The following TBC1D10A variants were observed in gnomAD, a reference collection of about 807,000 sequenced individuals.
TBC1D10A encodes the protein EBP50-PDX interactor of 64 kDa.
TBC1D10A carries 24 observed loss-of-function variants against 52.9 expected under a neutral mutation model. That is an observed-to-expected ratio of 0.45 (90% confidence interval 0.33 to 0.64). TBC1D10A has a LOEUF of 0.64. Ranked by LOEUF, TBC1D10A falls within the 30% of genes least tolerant of loss-of-function variation. The pLI is 0.02. For synonymous variants in TBC1D10A, 278 were observed against 282.9 expected (o/e 0.98, Z 0.17); for missense variants, 602 against 687.9 (o/e 0.88, Z 1.40).
intron 1 of TBC1D10A, among the ~76,000 whole-genome samples, chr22:30,312,040 G>C (rs903864328): frequency 6.6e-6 from 1 of 152,202 alleles, no homozygotes; most frequent in Non-Finnish European, 1.5e-5. Context: ...TGATCTGCCT[G>C]CATCAGCCTC....
intron 1 of TBC1D10A, among the ~76,000 whole-genome samples, chr22:30,320,085 C>T (rs913532811): frequency 6.6e-6 from 1 of 152,170 alleles, no homozygotes; most frequent in Non-Finnish European, 1.5e-5. Flanking sequence ...GATTCCTCAC[C>T]GGTACAAGCA....
chr22:30,308,361 G>A (rs985022618), intron 1 of TBC1D10A, among the ~76,000 whole-genome samples: 6 of 97,064 alleles, frequency 6.2e-5, no homozygotes, highest in Admixed American at 3.1e-4. Context: ...CCTAGATCTC[G>A]TAAAATGTCC....
At chr22:30,323,752 G>C (rs1930707171) in intron 1 of TBC1D10A, among the ~76,000 whole-genome samples, 1 of 152,114 alleles carries the variant, frequency 6.6e-6, no homozygotes, top group East Asian at 1.9e-4. Flanking sequence ...GATCGCCTGA[G>C]GTCAGGAGTT....
At chr22:30,310,532 G>A (rs1930403279) in intron 1 of TBC1D10A, among the ~76,000 whole-genome samples, 1 of 152,148 alleles carries the variant, frequency 6.6e-6, no homozygotes, top group Admixed American at 6.5e-5. Flanking sequence ...AGGGCTGGCT[G>A]CTTTGCTCTC....
At chr22:30,318,881 A>C (rs1279151057) in intron 1 of TBC1D10A, 2 of 363,154 alleles carry the variant, frequency 5.5e-6, no homozygotes. Context: ...TCAGCCTGAC[A>C]TTCAAGGCTG....
Position 30,296,103 on chromosome 22 carries a change from C to T in TBC1D10A, c.418-260G>A, listed in dbSNP as rs1930075057. On this transcript the variant is annotated intron_variant, in intron 3 of 8. Coordinates refer to ENST00000215790, the MANE Select transcript of TBC1D10A (RefSeq NM_031937.3). Reference sequence around the variant, plus strand: ...GAAGACCGATGAGGGCAAGAGTGTCCACTCCAGCTGCGGCTGGAAGGACCT... The same window carrying T: ...GAAGACCGATGAGGGCAAGAGTGTCTACTCCAGCTGCGGCTGGAAGGACCT... 8 of 471,010 alleles carry T rather than the reference C, an allele frequency of 1.7e-5. No homozygotes were observed. The South Asian group carries it at 2.0e-4, about 12-fold the overall frequency. The allele number at this position is 471,010 out of a possible 1,614,324, so 29.2% of individuals were successfully genotyped here.
chr22:30,293,536 C>CT, intron 8 of TBC1D10A, 115 bp downstream of exon 8: 3 of 1,424,404 alleles, frequency 2.1e-6, no homozygotes, highest in Non-Finnish European at 2.9e-6. Flanking sequence ...TGTTGCCTAG[C>CT]AATGGTCCTG....
At chr22:30,298,230 CCT>C (rs1022601973) in intron 3 of TBC1D10A, 3 of 152,392 alleles carry the variant, frequency 2.0e-5, no homozygotes, top group South Asian at 2.1e-4. Context: ...GGTTCCCACC[CCT>C]GAGCCTCCCA....
Position 30,294,192 on chromosome 22 carries a change from C to T in TBC1D10A, c.706-82G>A, listed in dbSNP as rs1930023526. ...AGACTACACCCCAGCACCCAGCACC[C>T]AGCACCCAGCAGGCTCAGGCAGCTA... On this transcript the variant is annotated intron_variant, in intron 6 of 8. Coordinates refer to ENST00000215790, the MANE Select transcript of TBC1D10A (RefSeq NM_031937.3). The T allele has an allele frequency of 5.4e-6, 8 of 1,493,360 alleles. No individual in the cohort carries two copies. The East Asian group carries it at 1.2e-4, about 22-fold the overall frequency. The allele number at this position is 1,493,360 out of a possible 1,614,324, so 92.5% of individuals were successfully genotyped here.
Position 30,292,643 on chromosome 22 carries a change from C to A in TBC1D10A, c.1259G>T (p.Gly420Val). 3.1e-6 allele frequency: 5 copies of A among 1,611,660 alleles called. No homozygotes were observed. The highest frequency in any genetic ancestry group is 4.2e-6 in the Non-Finnish European group (5 of 1,178,870). The change falls in exon 9 of 9, where the codon GGC (glycine) becomes GTC (valine). Residue 420 changes from glycine to valine, a missense_variant. Physicochemically the swap from Gly to Val is moderately radical, Grantham distance 109. Coordinates refer to ENST00000215790, the MANE Select transcript of TBC1D10A (RefSeq NM_031937.3). ...IRLPLDAPLP[G>V]SKAKPKPPKQ... ...GGGTGGCTTGGGCTTGGCTTTGGAG[C>A]CAGGGAGGGGGGCATCTAGGGGCAG...
At chr22:30,316,059 C>T (rs1359879702) in intron 1 of TBC1D10A, among the ~76,000 whole-genome samples, 1 of 152,168 alleles carries the variant, frequency 6.6e-6, no homozygotes, top group African/African-American at 2.4e-5. Context: ...TACCAATTTC[C>T]CATTGCTCCT....
intron 1 of TBC1D10A, among the ~76,000 whole-genome samples, chr22:30,309,852 A>T (rs1408031370): frequency 6.6e-6 from 1 of 152,222 alleles, no homozygotes; most frequent in Non-Finnish European, 1.5e-5. Flanking sequence ...GCCCAAGCAC[A>T]TCTCAGCACC....
In TBC1D10A at chr22:30,294,869, C is replaced by A. The variant is rs1471287326; in HGVS notation, c.640-8G>T. 3.7e-6 allele frequency: 6 copies of A among 1,614,016 alleles called. No homozygotes were observed. Among genetic ancestry groups the A allele is most frequent in the East Asian group, 2.2e-5 (1 of 44,900 alleles). ...CAGGCACCAGAAGGCTTGCTGTGGG[C>A]AAGAGAGATGTGAGGCCTTGCCGTT... On this transcript the variant is annotated splice_region_variant and splice_polypyrimidine_tract_variant and intron_variant, in intron 5 of 8. Coordinates refer to ENST00000215790, the MANE Select transcript of TBC1D10A (RefSeq NM_031937.3).
Position 30,292,426 on chromosome 22 carries a change from G to C in TBC1D10A, c.1476C>G (p.His492Gln). 1 of 1,595,432 alleles carries C rather than the reference G, an allele frequency of 6.3e-7. No individual in the cohort carries two copies. The highest frequency in any genetic ancestry group is 8.5e-7 in the Non-Finnish European group (1 of 1,169,902). ...GGGACGTCAAGCTCTCCTGGGAGCGGTGGTGGGCTGAGACCTGGGGAGCCA... is the reference window on the plus strand; with the variant it reads ...GGGACGTCAAGCTCTCCTGGGAGCGCTGGTGGGCTGAGACCTGGGGAGCCA... ...QDLAPQVSAH[H>Q]RSQESLTSQE... The change falls in exon 9 of 9, where the codon CAC (histidine) becomes CAG (glutamine). Residue 492 changes from histidine to glutamine, a missense_variant. Transcript: ENST00000215790.
chr22:30,320,971 G>A (rs778290206), intron 1 of TBC1D10A, among the ~76,000 whole-genome samples: 5 of 152,204 alleles, frequency 3.3e-5, no homozygotes, highest in Admixed American at 6.5e-5. Flanking sequence ...AACAGATTGG[G>A]TGGCTGGGCC....
Position 30,292,359 on chromosome 22 carries a change from G to C in TBC1D10A, c.*16C>G. ...GTTATATGGAGACCCCGCCCTGGAGGCCTTAGCTGCCAGGGTTACAAGTAG... is the reference window on the plus strand; with the variant it reads ...GTTATATGGAGACCCCGCCCTGGAGCCCTTAGCTGCCAGGGTTACAAGTAG... On this transcript the variant is annotated 3_prime_UTR_variant, in exon 9 of 9. Coordinates refer to ENST00000215790, the MANE Select transcript of TBC1D10A (RefSeq NM_031937.3). The C allele has an allele frequency of 1.3e-6, 2 of 1,523,340 alleles. No individual in the cohort carries two copies. Among genetic ancestry groups the C allele is most frequent in the Non-Finnish European group, 1.8e-6 (2 of 1,134,854 alleles). The allele number at this position is 1,523,340 out of a possible 1,614,324, so 94.4% of individuals were successfully genotyped here. A position where few individuals can be genotyped will look rare whatever the true frequency, so the allele number is the denominator to read the frequency against.
intron 1 of TBC1D10A, among the ~76,000 whole-genome samples, chr22:30,318,202 C>T (rs1313716444): frequency 6.6e-6 from 1 of 152,180 alleles, no homozygotes; most frequent in Non-Finnish European, 1.5e-5. Context: ...TCAAACAAGC[C>T]TCCAGTTGCC....
chr22:30,297,585 G>GCAC lies in TBC1D10A; in HGVS notation c.418-1743_418-1742insGTG, dbSNP rs1930109568. 6.6e-6 allele frequency: 1 copy of GCAC among 152,256 alleles called. No individual in the cohort carries two copies. The highest frequency in any genetic ancestry group is 1.5e-5 in the Non-Finnish European group (1 of 68,060). The allele number at this position is 152,256 out of a possible 1,614,324, so 9.4% of individuals were successfully genotyped here. A position where few individuals can be genotyped will look rare whatever the true frequency, so the allele number is the denominator to read the frequency against. ...CCTGTAGCCTCCACCAGCCTGAGGG[G>GCAC]TACTGGCGCCATCATAAGGTGAAGC... On this transcript the variant is annotated intron_variant, in intron 3 of 8. Coordinates refer to ENST00000215790, the MANE Select transcript of TBC1D10A (RefSeq NM_031937.3). This position sits in a 1 kb window ranked among gnomAD's most constrained non-coding sequence, Gnocchi z 4.3.
At chr22:30,326,650 T>C (rs896274433) in intron 1 of TBC1D10A, 23 bp downstream of exon 1, 1 of 1,557,172 alleles carries the variant, frequency 6.4e-7, no homozygotes, top group Non-Finnish European at 8.7e-7. Context: ...GCGCGCTCAG[T>C]CCCGACCCCC....
Sources: allele counts gnomAD v4.1 joint callset (sites outside exome capture counted in the v4.1 genomes callset), GRCh38; gene constraint gnomAD v4.1.1; non-coding constraint Gnocchi (gnomAD v3.1); transcripts MANE v1.5; gene names NCBI Gene and HGNC (gene_info 2026-07-23, HGNC 2026-07-21).